Variants in GRM5 observed in about 807,000 individuals in gnomAD.
The protein encoded by GRM5 is metabotropic glutamate receptor 5.
In GRM5, 19 loss-of-function variants were observed where a neutral mutation model predicts 83.1. The ratio of observed to expected loss-of-function variants is 0.23; its 90% CI spans 0.16 to 0.34. The LOEUF (loss-of-function observed/expected upper bound fraction) is 0.34. Ranked by LOEUF, GRM5 falls within the 10% of genes least tolerant of loss-of-function variation. The pLI is 1.00. For synonymous variants in GRM5, 675 were observed against 633.6 expected, an observed-to-expected ratio of 1.07 and a Z score of -0.98; for missense variants, 1,160 against 1,588.3, an observed-to-expected ratio of 0.73 and a Z score of 4.58.
rs202064607 is a variant in GRM5 at position 88,508,398 on chromosome 11, C to T, written c.*194G>A. ...TTTTCTAAGGCCACTAGAAGAAAAT[C>T]TGCCAAAAGATTTGTCGTCGGTTTC... is the stretch of plus-strand genomic sequence containing the variant. On this transcript the variant is annotated 3_prime_UTR_variant, in exon 10 of 10. Coordinates refer to ENST00000305447, the MANE Select transcript of GRM5 (RefSeq NM_001143831.3). The surrounding 1 kb of genome is among the most constrained non-coding windows in gnomAD (Gnocchi z 4.2). The T allele has an allele frequency of 2.2e-4, 111 of 493,336 alleles. 1 individual carries two copies. Among genetic ancestry groups the T allele is most frequent in the South Asian group, 6.6e-4 (21 of 31,840 alleles). The allele number at this position is 493,336 out of a possible 1,614,324, so 30.6% of individuals were successfully genotyped here.
chr11:88,977,385 G>A (rs991650704), intron 2 of GRM5, among the ~76,000 whole-genome samples: 5 of 151,784 alleles, frequency 3.3e-5, no homozygotes, highest in Non-Finnish European at 7.4e-5. Context: ...GCTAATTTTT[G>A]TATTTTTAGT....
At chr11:88,609,466 T>G (rs922575447) in intron 4 of GRM5, among the ~76,000 whole-genome samples, 3 of 152,188 alleles carry the variant, frequency 2.0e-5, no homozygotes, top group Admixed American at 6.5e-5. Flanking sequence ...TGAACAGCAC[T>G]GTGATGAACA....
intron 2 of GRM5, among the ~76,000 whole-genome samples, chr11:88,893,707 A>C (rs1377628758): frequency 6.6e-6 from 1 of 152,022 alleles, no homozygotes; most frequent in African/African-American, 2.4e-5. Context: ...TTTAGACTGA[A>C]CAACACATGG....
At chr11:89,042,620 A>C (rs1941559747) in intron 2 of GRM5, among the ~76,000 whole-genome samples, 1 of 152,178 alleles carries the variant, frequency 6.6e-6, no homozygotes, top group African/African-American at 2.4e-5. Context: ...AGTCCTTTTA[A>C]AAATTATTCA....
chr11:88,763,607 G>A (rs1942571404), intron 3 of GRM5, among the ~76,000 whole-genome samples: 1 of 151,756 alleles, frequency 6.6e-6, no homozygotes, highest in Non-Finnish European at 1.5e-5. Flanking sequence ...CAGCTCAAAG[G>A]CGTGAGGACA....
At chr11:88,894,431 G>C (rs778453645) in intron 2 of GRM5, among the ~76,000 whole-genome samples, 2 of 151,860 alleles carry the variant, frequency 1.3e-5, no homozygotes, top group Non-Finnish European at 2.9e-5. Flanking sequence ...AATTTTCCTG[G>C]CGATTGACAA....
chr11:88,561,668 T>G (rs1039731386), intron 8 of GRM5, among the ~76,000 whole-genome samples: 3 of 152,158 alleles, frequency 2.0e-5, no homozygotes, highest in Admixed American at 2.0e-4. Context: ...CTGCACCATG[T>G]TGTGCTGGAA....
In GRM5 at chr11:88,709,293, A is replaced by G. The variant is rs147392835; in HGVS notation, c.912-55890T>C. On this transcript the variant is annotated intron_variant, in intron 3 of 9. Coordinates refer to ENST00000305447, the MANE Select transcript of GRM5 (RefSeq NM_001143831.3). ...CCCATGAAGCATTCTGTGCAGCAGC[A>G]GCATGAGGGGAGAATGAGGGGATGG... Among the ~76,000 whole-genome samples the G allele has an allele frequency of 2.6e-5, 4 of 152,180 alleles. No individual in the cohort carries two copies. The East Asian group carries it at 7.8e-4, about 30-fold the overall frequency.
At chr11:88,545,590 C>A (rs1052247399) in intron 8 of GRM5, among the ~76,000 whole-genome samples, 5 of 151,788 alleles carry the variant, frequency 3.3e-5, no homozygotes, top group African/African-American at 1.2e-4. Context: ...TTACACAGGT[C>A]CAAATCCTCC....
rs753996066 is a variant in GRM5 at position 88,976,724 on chromosome 11, A to T, written c.661+70488T>A. Among the ~76,000 whole-genome samples, 2 of 152,148 alleles carry T rather than the reference A, an allele frequency of 1.3e-5. 1 individual carries two copies. Among genetic ancestry groups the T allele is most frequent in the South Asian group, 4.1e-4 (2 of 4,822 alleles). Reference sequence around the variant, plus strand: ...TTTGCTGAATTGAGCATCCAGAGTAAGTTTTTATATTGTGGTAGTTGCAAT... The same window carrying T: ...TTTGCTGAATTGAGCATCCAGAGTATGTTTTTATATTGTGGTAGTTGCAAT... On this transcript the variant is annotated intron_variant, in intron 2 of 9. Transcript: ENST00000305447.
intron 3 of GRM5, among the ~76,000 whole-genome samples, chr11:88,849,277 TGG>T: frequency 6.6e-6 from 1 of 152,174 alleles, no homozygotes; most frequent in Admixed American, 6.5e-5. Context: ...TTTATTTCTC[TGG>T]AGAATTTGAC....
At chr11:88,796,045 G>A (rs1283771099) in intron 3 of GRM5, among the ~76,000 whole-genome samples, 1 of 152,192 alleles carries the variant, frequency 6.6e-6, no homozygotes, top group Non-Finnish European at 1.5e-5. Flanking sequence ...TCTTCTGAAG[G>A]ATATAATTAA....
intron 1 of GRM5, among the ~76,000 whole-genome samples, chr11:89,048,604 T>C (rs1273116812): frequency 1.3e-5 from 2 of 152,168 alleles, no homozygotes; most frequent in Admixed American, 1.3e-4. Context: ...TCTCTCCAAA[T>C]ACAATGTCAA....
intron 7 of GRM5, among the ~76,000 whole-genome samples, chr11:88,584,504 A>C (rs1943275058): frequency 6.6e-6 from 1 of 151,816 alleles, no homozygotes; most frequent in Non-Finnish European, 1.5e-5. Context: ...CATGATCTCC[A>C]CTCACTGCAA....
At chr11:88,672,978 G>A (rs1192445149) in intron 3 of GRM5, among the ~76,000 whole-genome samples, 1 of 151,894 alleles carries the variant, frequency 6.6e-6, no homozygotes, top group Non-Finnish European at 1.5e-5. Context: ...AAATGGAGAT[G>A]GCATTTGCAG....
At position 88,551,637 on chromosome 11, in the gene GRM5, C is replaced by T. The variant is rs888223152; in HGVS notation, c.2630+15416G>A. On this transcript the variant is annotated intron_variant, in intron 8 of 9. Transcript: ENST00000305447. ...TAGATTTTAGAGCTAAAATTCTTAA[C>T]CTCAACAGTTGAATTCAAACCTTAG... Among the ~76,000 whole-genome samples, 5 of 152,160 alleles carry T rather than the reference C, an allele frequency of 3.3e-5. No individual in the cohort carries two copies. In the South Asian group the frequency reaches 1.0e-3, roughly 31 times the overall value.
chr11:88,752,569 C>A (rs574476777), intron 3 of GRM5, among the ~76,000 whole-genome samples: 3 of 152,180 alleles, frequency 2.0e-5, no homozygotes, highest in Non-Finnish European at 4.4e-5. Context: ...ATTAAACTAC[C>A]TTTGCCATTT....
chr11:89,045,017 C>T (rs1014707355), intron 2 of GRM5, among the ~76,000 whole-genome samples: 1 of 152,100 alleles, frequency 6.6e-6, no homozygotes, highest in African/African-American at 2.4e-5. Context: ...TACATAACCT[C>T]GTTATTCACA....
chr11:88,608,861 A>G (rs1025390839), intron 4 of GRM5, among the ~76,000 whole-genome samples: 8 of 152,098 alleles, frequency 5.3e-5, no homozygotes, highest in Non-Finnish European at 1.0e-4. Flanking sequence ...TGCCTAGAAC[A>G]ATTTCTGGCA....
Sources: gnomAD v4.1 joint callset for allele counts (sites outside exome capture counted in the v4.1 genomes callset) on GRCh38, gnomAD v4.1.1 for gene constraint, Gnocchi (gnomAD v3.1) non-coding constraint, MANE v1.5 for transcripts, NCBI Gene and HGNC (gene_info 2026-07-23, HGNC 2026-07-21) for gene names.